Variants in ERICH1 observed in about 807,000 individuals in gnomAD.
ERICH1 encodes the protein glutamate-rich protein 1.
A neutral mutation model predicts 39.6 loss-of-function variants in ERICH1; 56 were observed. That is an observed-to-expected ratio of 1.41 (90% confidence interval 1.14 to 1.77). The LOEUF is 1.77. Among genes scored for constraint, ERICH1 ranks in the 40% most tolerant of loss-of-function variants. The pLI, the probability that ERICH1 is intolerant of heterozygous loss-of-function variation, is 0.00. For synonymous variants in ERICH1, 313 were observed against 223.6 expected, an observed-to-expected ratio of 1.40 and a Z score of -3.57; for missense variants, 826 against 575.4, an observed-to-expected ratio of 1.44 and a Z score of -4.45.
intron 2 of ERICH1, among the ~76,000 whole-genome samples, chr8:709,972 A>T (rs755247696): frequency 3.3e-5 from 5 of 152,222 alleles, no homozygotes; most frequent in Non-Finnish European, 7.3e-5. Flanking sequence ...TACAATTTTA[A>T]AAAAGATTAA....
intron 3 of ERICH1, among the ~76,000 whole-genome samples, chr8:634,732 C>T (rs963540469): frequency 4.6e-5 from 7 of 152,214 alleles, no homozygotes; most frequent in African/African-American, 7.2e-5. Flanking sequence ...CGCTGTGACA[C>T]TGAGTCCCAC....
At position 668,778 on chromosome 8, in the gene ERICH1, C is replaced by G. The variant is rs1340798096; in HGVS notation, c.1078G>C (p.Ala360Pro). ...MYFYDGVSRD[A>P]ASAALADAAE... ...GCATCTGCGAGGGCAGCTGAAGCTGCATCTCTGGAGACACCTACATAAAGT... is the reference window on the plus strand; with the variant it reads ...GCATCTGCGAGGGCAGCTGAAGCTGGATCTCTGGAGACACCTACATAAAGT... The change falls in exon 5 of 6, where the codon GCA (alanine) becomes CCA (proline). Residue 360 changes from alanine (A) to proline (P), a missense_variant. Ala to Pro is a conservative substitution (Grantham distance 27, BLOSUM62 -1). Transcript: ENST00000262109. 1.2e-6 allele frequency: 2 copies of G among 1,610,208 alleles called. No individual in the cohort carries two copies. Among genetic ancestry groups the G allele is most frequent in the East Asian group, 4.5e-5 (2 of 44,818 alleles).
chr8:639,375 G>T (rs1798727319), intron 3 of ERICH1, among the ~76,000 whole-genome samples: 1 of 152,120 alleles, frequency 6.6e-6, no homozygotes, highest in Non-Finnish European at 1.5e-5. Context: ...ATACCATCAG[G>T]ATGAAATATC....
intron 1 of ERICH1, among the ~76,000 whole-genome samples, chr8:717,183 G>A (rs993338485): frequency 2.0e-5 from 3 of 152,174 alleles, no homozygotes; most frequent in Admixed American, 1.3e-4. Flanking sequence ...AACGACCTCT[G>A]GTTAAGTGGA....
chr8:728,313 C>T (rs543912500), intron 1 of ERICH1, among the ~76,000 whole-genome samples: 2 of 152,322 alleles, frequency 1.3e-5, no homozygotes, highest in East Asian at 1.9e-4. Flanking sequence ...CTCACCAACA[C>T]GAGATGTCCT....
rs546177827 is a variant in ERICH1 at position 639,740 on chromosome 8, C to G, written c.977-24456G>C. 2.4e-5 allele frequency among the ~76,000 whole-genome samples: 3 copies of G among 122,992 alleles called. 1 individual carries two copies. The South Asian group carries it at 9.4e-4, about 38-fold the overall frequency. 80.7% of individuals were successfully genotyped at this position (122,992 alleles called of 152,430 possible). A position where few individuals can be genotyped will look rare whatever the true frequency, so the allele number is the denominator to read the frequency against. Reference sequence around the variant, plus strand: ...CCACGAATCCAGTTAGCAGACACAACCAAGCACCCTGGATTCAGAGGCAGC... The same window carrying G: ...CCACGAATCCAGTTAGCAGACACAAGCAAGCACCCTGGATTCAGAGGCAGC... On this transcript the variant is annotated intron_variant, in intron 3 of 3. Coordinates refer to the ERICH1 transcript ENST00000522706.
intron 2 of ERICH1, among the ~76,000 whole-genome samples, chr8:701,060 A>T (rs1811995798): frequency 6.6e-6 from 1 of 152,192 alleles, no homozygotes; most frequent in Non-Finnish European, 1.5e-5. Context: ...CACAAATGCA[A>T]ACACATTTTC....
At chr8:665,500 T>C (rs1158797122) in intron 5 of ERICH1, among the ~76,000 whole-genome samples, 1 of 151,434 alleles carries the variant, frequency 6.6e-6, no homozygotes, top group Non-Finnish European at 1.5e-5. Flanking sequence ...TCATTCACAC[T>C]CCCCCCAGGC....
At chr8:729,379 C>G (rs1261231046) in intron 1 of ERICH1, among the ~76,000 whole-genome samples, 2 of 152,218 alleles carry the variant, frequency 1.3e-5, no homozygotes, top group Non-Finnish European at 2.9e-5. Context: ...ACACGCCAAG[C>G]TCCATCCCCT....
intron 1 of ERICH1, among the ~76,000 whole-genome samples, chr8:726,158 G>T (rs949871505): frequency 2.0e-5 from 3 of 152,166 alleles, no homozygotes. Context: ...AGAAGAAAAA[G>T]GGGCCTCTTT....
chr8:639,933 C>T (rs936430351), intron 3 of ERICH1, among the ~76,000 whole-genome samples: 16 of 152,320 alleles, frequency 1.1e-4, no homozygotes, highest in African/African-American at 3.6e-4. Flanking sequence ...ATTTCCTGAG[C>T]TTGTGTTTCC....
At chr8:671,200 C>G (rs1803272656) in intron 4 of ERICH1, among the ~76,000 whole-genome samples, 1 of 143,078 alleles carries the variant, frequency 7.0e-6, no homozygotes, top group African/African-American at 2.6e-5. Context: ...CCTGCCGGCC[C>G]TGGCTGTAAT....
intron 2 of ERICH1, among the ~76,000 whole-genome samples, chr8:713,076 G>A (rs569903605): frequency 7.9e-5 from 12 of 152,330 alleles, no homozygotes; most frequent in South Asian, 2.1e-4. Context: ...TGCAGACGCC[G>A]TTCTCTCTCA....
exon 4 of ERICH1, chr8:614,941 T>C: frequency 3.2e-6 from 1 of 314,236 alleles, no homozygotes; most frequent in Non-Finnish European, 5.8e-6. Context: ...AATGCACTTA[T>C]TAGGAGAGGG....
chr8:700,462 GCGCACAGA>G (rs1281217741), intron 2 of ERICH1, among the ~76,000 whole-genome samples: 2 of 90,810 alleles, frequency 2.2e-5, no homozygotes, highest in African/African-American at 3.5e-5. Context: ...ACCCGCACAG[GCGCACAGA>G]CCCGCACAGG....
rs748929328 is a variant in ERICH1 at position 673,385 on chromosome 8, C to T, written c.967G>A (p.Ala323Thr). The T allele has an allele frequency of 4.3e-6, 7 of 1,614,158 alleles. No individual in the cohort carries two copies. In the Admixed American group the frequency reaches 1.2e-4, roughly 27 times the overall value. ...EGADSGEEDGADASEEDDTIT... is the reference protein window; with the variant it reads ...EGADSGEEDGTDASEEDDTIT... ...GTATCATCTTCCTCGCTGGCGTCTG[C>T]ACCGTCCTCCTCCCCGGAGTCTGCA... Residue 323 changes from alanine to threonine, a missense_variant, in exon 4 of 6, where the codon GCA (alanine) becomes ACA (threonine). Physicochemically the swap from Ala to Thr is moderately conservative, Grantham distance 58. Transcript: ENST00000262109.
chr8:656,994 G>C, intron 3 of ERICH1: 1 of 285,434 alleles, frequency 3.5e-6, no homozygotes, highest in Non-Finnish European at 5.3e-6. Flanking sequence ...CTATTACTTA[G>C]CAAATGTTTA....
intron 3 of ERICH1, among the ~76,000 whole-genome samples, chr8:617,190 T>C (rs1287993550): frequency 6.6e-6 from 1 of 151,998 alleles, no homozygotes; most frequent in East Asian, 1.9e-4. Context: ...GACCACACGA[T>C]TCCAAGAGGC....
intron 5 of ERICH1, among the ~76,000 whole-genome samples, chr8:665,265 G>A (rs375935912): frequency 2.6e-5 from 4 of 152,150 alleles, no homozygotes; most frequent in East Asian, 3.9e-4. Flanking sequence ...ACTGGTCCCC[G>A]GCTCCGACCT....
Sources: allele counts gnomAD v4.1 joint callset (sites outside exome capture counted in the v4.1 genomes callset), GRCh38; gene constraint gnomAD v4.1.1; transcripts MANE v1.5; gene names NCBI Gene and HGNC (gene_info 2026-07-23, HGNC 2026-07-21).